KLF12: variants seen among roughly 807,000 people sequenced by gnomAD.
The protein encoded by KLF12 is KLF transcription factor 12, also known as Krueppel-like factor 12.
In KLF12, 9 loss-of-function variants were observed where a neutral mutation model predicts 37.8. The ratio of observed to expected loss-of-function variants is 0.24; its 90% confidence interval spans 0.14 to 0.42. KLF12 has a LOEUF of 0.42. Ranked by LOEUF, KLF12 falls within the 10% of genes least tolerant of loss-of-function variation. The pLI, the probability that KLF12 is intolerant of heterozygous loss-of-function variation, is 1.00. For missense variants in KLF12, 411 were observed against 516.0 expected, an observed-to-expected ratio of 0.80 and a Z score of 1.97; for synonymous variants, 208 against 202.1, an observed-to-expected ratio of 1.03 and a Z score of -0.25.
At chr13:74,236,839 T>C in the KLF12 span, among the ~76,000 whole-genome samples, 15 of 97,742 alleles carry the variant, frequency 1.5e-4, no homozygotes, top group African/African-American at 4.3e-4. Context: ...TTCTGGATAT[T>C]AGCCCTTTGT....
chr13:74,270,308 TAG>T, the KLF12 span, among the ~76,000 whole-genome samples: 1 of 152,188 alleles, frequency 6.6e-6, no homozygotes, highest in Non-Finnish European at 1.5e-5. Flanking sequence ...GTCAGATGAA[TAG>T]AGGGTTAGGG....
intron 1 of KLF12, among the ~76,000 whole-genome samples, chr13:74,111,152 CAAA>C (rs111753857): frequency 5.3e-5 from 5 of 94,796 alleles, no homozygotes; most frequent in African/African-American, 3.9e-5. Flanking sequence ...GACTATGTCT[CAAA>C]AAAAAAAAAA....
intron 1 of KLF12, among the ~76,000 whole-genome samples, chr13:74,100,023 C>T (rs2138863101): frequency 6.6e-6 from 1 of 151,978 alleles, no homozygotes; most frequent in South Asian, 2.1e-4. Context: ...TCCACTGACA[C>T]CAAGTACACA....
chr13:73,935,604 C>T (rs1889893693), intron 3 of KLF12, among the ~76,000 whole-genome samples: 1 of 152,024 alleles, frequency 6.6e-6, no homozygotes, highest in Admixed American at 6.6e-5. Flanking sequence ...GATGCACGAG[C>T]TCCCACTTTG....
At chr13:73,765,252 G>T (rs1879835503) in intron 5 of KLF12, among the ~76,000 whole-genome samples, 1 of 152,062 alleles carries the variant, frequency 6.6e-6, no homozygotes, top group African/African-American at 2.4e-5. Flanking sequence ...CCAGAGGCAG[G>T]ACTGATGCAT....
the KLF12 span, among the ~76,000 whole-genome samples, chr13:74,230,832 A>G: frequency 6.6e-6 from 1 of 152,080 alleles, no homozygotes; most frequent in Non-Finnish European, 1.5e-5. Context: ...CTCCCTTCCA[A>G]TTCTTTCCAA....
chr13:73,937,666 C>A (rs1288267173), intron 3 of KLF12, among the ~76,000 whole-genome samples: 1 of 152,156 alleles, frequency 6.6e-6, no homozygotes, highest in Non-Finnish European at 1.5e-5. Flanking sequence ...GGAAGAAGGG[C>A]AGAATTCTCA....
At chr13:73,953,744 CAGTG>C (rs1442054418) in intron 2 of KLF12, among the ~76,000 whole-genome samples, 1 of 152,050 alleles carries the variant, frequency 6.6e-6, no homozygotes, top group Non-Finnish European at 1.5e-5. Context: ...CAACATGGAT[CAGTG>C]AGTGTTTAGC....
At chr13:74,138,481 A>G (rs979261188), upstream of KLF12, among the ~76,000 whole-genome samples, 1 of 152,216 alleles carries the variant, frequency 6.6e-6, no homozygotes, top group African/African-American at 2.4e-5. Flanking sequence ...CCTTCCTATA[A>G]CTGCAAACAG....
chr13:74,041,153 C>G (rs567744484), intron 1 of KLF12, among the ~76,000 whole-genome samples: 1 of 152,194 alleles, frequency 6.6e-6, no homozygotes, highest in Non-Finnish European at 1.5e-5. Flanking sequence ...GCTCACATCA[C>G]TCCTTCCACC....
At chr13:73,713,958 T>C (rs528700905) in intron 7 of KLF12, among the ~76,000 whole-genome samples, 1 of 152,320 alleles carries the variant, frequency 6.6e-6, no homozygotes, top group East Asian at 1.9e-4. Context: ...TATGGTCTAA[T>C]CATACTTCCT....
intron 2 of KLF12, among the ~76,000 whole-genome samples, chr13:73,978,881 C>T (rs1416344858): frequency 6.6e-6 from 1 of 152,130 alleles, no homozygotes; most frequent in Non-Finnish European, 1.5e-5. Flanking sequence ...AGGAAACTTA[C>T]ATACATATTG....
intron 1 of KLF12, among the ~76,000 whole-genome samples, chr13:74,108,827 G>C (rs1393779929): frequency 2.6e-5 from 4 of 152,154 alleles, no homozygotes; most frequent in Admixed American, 1.3e-4. Context: ...GGAGGAGGGG[G>C]AGGAGGAAGA....
chr13:74,243,640 C>T, the KLF12 span, among the ~76,000 whole-genome samples: 8 of 152,080 alleles, frequency 5.3e-5, no homozygotes, highest in East Asian at 1.2e-3. Context: ...TTTTAATGGT[C>T]GCCATTCTAA....
chr13:73,974,320 A>AAAAAAAAAAAAAAAAAAAAAT (rs397704620), intron 2 of KLF12, among the ~76,000 whole-genome samples: 4 of 151,610 alleles, frequency 2.6e-5, no homozygotes, highest in East Asian at 2.0e-4. Flanking sequence ...CAAAAAAAAA[A>AAAAAAAAAAAAAAAAAAAAAT]GAATTCTGCA....
chr13:73,770,834 T>A (rs1473608572), intron 5 of KLF12, among the ~76,000 whole-genome samples: 2 of 152,042 alleles, frequency 1.3e-5, no homozygotes, highest in Non-Finnish European at 2.9e-5. Flanking sequence ...ATATGTGAAA[T>A]TTTTTTTAAC....
At chr13:73,883,038 T>C (rs1887054839) in intron 3 of KLF12, among the ~76,000 whole-genome samples, 1 of 152,174 alleles carries the variant, frequency 6.6e-6, no homozygotes, top group Non-Finnish European at 1.5e-5. Context: ...TGTACTAATC[T>C]AATCATTGTG....
chr13:73,811,740 G>C (rs1002539430), intron 5 of KLF12, among the ~76,000 whole-genome samples: 3 of 152,034 alleles, frequency 2.0e-5, no homozygotes, highest in African/African-American at 7.2e-5. Context: ...TTTGTATCCA[G>C]ATCTGACTCC....
chr13:74,132,394 A>C (rs767040901), intron 1 of KLF12, among the ~76,000 whole-genome samples: 2 of 152,232 alleles, frequency 1.3e-5, no homozygotes, highest in Non-Finnish European at 2.9e-5. Context: ...ATGCACACGC[A>C]CTAAATGTAA....
Sources: allele counts gnomAD v4.1 joint callset (sites outside exome capture counted in the v4.1 genomes callset), GRCh38; gene constraint gnomAD v4.1.1; transcripts MANE v1.5; gene names NCBI Gene and HGNC (gene_info 2026-07-23, HGNC 2026-07-21).